Variants in CENPU observed in about 807,000 individuals in gnomAD.
CENPU encodes KSHV latent nuclear antigen interacting protein 1.
Under a neutral mutation model 56.7 loss-of-function variants are expected in CENPU, and 46 were observed. That is an observed-to-expected ratio of 0.81 (90% CI 0.64 to 1.04). The LOEUF (loss-of-function observed/expected upper bound fraction) is 1.04, where lower values mean the gene tolerates loss of function less well. Ranked by LOEUF, CENPU falls within the 50% of genes least tolerant of loss-of-function variation. The pLI is 0.00. For synonymous variants in CENPU, 166 were observed against 163.0 expected (o/e 1.02, Z -0.14); for missense variants, 510 against 490.1 (o/e 1.04, Z -0.38).
chr4:184,699,308 C>T (rs902602458), intron 11 of CENPU, among the ~76,000 whole-genome samples: 2 of 151,934 alleles, frequency 1.3e-5, no homozygotes, highest in Admixed American at 6.6e-5. Context: ...CCAGCCTGGG[C>T]GACAGAGCCA....
Position 184,730,904 on chromosome 4 carries a change from C to CA in CENPU, c.96+15dup. ...TGTCAATTTTGAGAAAACCACAACA[C>CA]AAAAAGGTAACTTACATCTTTCATG... On this transcript the variant is annotated intron_variant, in intron 2 of 12. Transcript: ENST00000281453. 6.3e-7 allele frequency: 1 copy of CA among 1,575,178 alleles called. No homozygotes were observed. Among genetic ancestry groups the CA allele is most frequent in the Non-Finnish European group, 8.6e-7 (1 of 1,167,832 alleles).
At chr4:184,719,649 G>C (rs1761208109) in intron 4 of CENPU, among the ~76,000 whole-genome samples, 2 of 152,194 alleles carry the variant, frequency 1.3e-5, no homozygotes, top group Admixed American at 1.3e-4. Flanking sequence ...GACCTACTGA[G>C]ACACCAACTG....
In CENPU at chr4:184,721,457, T is replaced by TAAAAA. The variant is rs138476894; in HGVS notation, c.320+3495_320+3499dup. Among the ~76,000 whole-genome samples, 135 of 74,538 alleles carry TAAAAA rather than the reference T, an allele frequency of 1.8e-3. 4 individuals carry two copies. The highest frequency in any genetic ancestry group is 8.0e-3 in the African/African-American group (118 of 14,828). 48.9% of individuals were successfully genotyped at this position (74,538 alleles called of 152,430 possible). ...TCAAAAGACATAGAGTGGCTGATTG[T>TAAAAA]AAAAAAAAAAAAAAAAAAAAAGGAC... On this transcript the variant is annotated intron_variant, in intron 4 of 12. Transcript: ENST00000281453.
intron 4 of CENPU, among the ~76,000 whole-genome samples, chr4:184,720,837 G>A (rs1761250519): frequency 6.6e-6 from 1 of 152,118 alleles, no homozygotes; most frequent in African/African-American, 2.4e-5. Context: ...AACAAAAGCT[G>A]AGAAATTTTA....
intron 6 of CENPU, among the ~76,000 whole-genome samples, chr4:184,715,940 T>TGA (rs1561138137): frequency 5.7e-4 from 59 of 103,044 alleles, no homozygotes; most frequent in African/African-American, 2.4e-3. Flanking sequence ...TTTTTTTGTT[T>TGA]TTTTTTTTTT....
Position 184,694,369 on chromosome 4 carries a change from C to T in CENPU, c.*919G>A, listed in dbSNP as rs991188597. The T allele has an allele frequency of 1.1e-5, 15 of 1,409,446 alleles. No homozygotes were observed. The highest frequency in any genetic ancestry group is 4.3e-5 in the African/African-American group (3 of 69,360). 87.3% of individuals were successfully genotyped at this position (1,409,446 alleles called of 1,614,324 possible). ...GTTTGAATCAGTGCACTCATTCCCA[C>T]GGTGAGATATCGGAGACAGCATTCC... On this transcript the variant is annotated 3_prime_UTR_variant, in exon 13 of 13. Transcript: ENST00000281453.
chr4:184,714,816 G>A (rs1418563321), intron 6 of CENPU, among the ~76,000 whole-genome samples: 1 of 152,136 alleles, frequency 6.6e-6, no homozygotes, highest in African/African-American at 2.4e-5. Flanking sequence ...TACATCAAAA[G>A]TCAATGGACT....
intron 3 of CENPU, among the ~76,000 whole-genome samples, chr4:184,726,643 G>A (rs1251877730): frequency 6.6e-6 from 1 of 152,076 alleles, no homozygotes; most frequent in African/African-American, 2.4e-5. Context: ...CAAAAGAGGA[G>A]AAAGCAGGGA....
At position 184,707,951 on chromosome 4, in the gene CENPU, G is replaced by A. The variant is rs115230598; in HGVS notation, c.797+2121C>T. Among the ~76,000 whole-genome samples the A allele has an allele frequency of 9.1e-3, 1,386 of 152,174 alleles. 20 individuals are homozygous for A. The highest frequency in any genetic ancestry group is 0.032 in the African/African-American group (1,327 of 41,518). ...GCAAGCAGCAGAAATAGCTGGGCGC[G>A]GTGGCTCACACCTGAAATCCCAGCA... On this transcript the variant is annotated intron_variant, in intron 8 of 12. Transcript: ENST00000281453.
At chr4:184,700,690 C>T in intron 11 of CENPU, 130 bp downstream of exon 11, 3 of 811,378 alleles carry the variant, frequency 3.7e-6, no homozygotes, top group Non-Finnish European at 6.4e-6. Context: ...CCTGCCTTCA[C>T]TGAGTATCGG....
chr4:184,721,175 A>C (rs1382103248), intron 4 of CENPU, among the ~76,000 whole-genome samples: 1 of 152,178 alleles, frequency 6.6e-6, no homozygotes, highest in African/African-American at 2.4e-5. Context: ...AGCAGGGTTA[A>C]GTTGTTAATG....
chr4:184,709,485 CA>C (rs370228402), intron 8 of CENPU, among the ~76,000 whole-genome samples: 258 of 128,638 alleles, frequency 2.0e-3, no homozygotes, highest in South Asian at 3.0e-3. Flanking sequence ...GACTCCATCT[CA>C]AAAAAAAAAA....
intron 8 of CENPU, among the ~76,000 whole-genome samples, chr4:184,707,316 C>T (rs1760761309): frequency 6.8e-6 from 1 of 146,440 alleles, no homozygotes; most frequent in Admixed American, 6.6e-5. Context: ...AAACTGACTC[C>T]TGCCTCTTCC....
chr4:184,717,032 C>G (rs1468901866), intron 5 of CENPU, 104 bp downstream of exon 5: 6 of 723,792 alleles, frequency 8.3e-6, no homozygotes, highest in Non-Finnish European at 1.4e-5. Flanking sequence ...CTATTTGCAT[C>G]CAATCTAAAG....
intron 1 of CENPU, chr4:184,733,201 TCTC>T (rs941270396): frequency 3.1e-5 from 12 of 385,164 alleles, no homozygotes; most frequent in Non-Finnish European, 4.3e-5. Flanking sequence ...GAGTCTTCAT[TCTC>T]CTCCACTGGC....
Position 184,726,484 on chromosome 4 carries a change from A to C in CENPU, c.215-1422T>G, listed in dbSNP as rs112835513. On this transcript the variant is annotated intron_variant, in intron 3 of 12. Transcript: ENST00000281453. ...TGAGATAGTACTTCACACCCAAACA[A>C]ACACCCAGAAAATAGCAAGTGTAGG... Among the ~76,000 whole-genome samples the C allele has an allele frequency of 8.2e-3, 1,241 of 152,268 alleles. 17 individuals carry two copies. Among genetic ancestry groups the C allele is most frequent in the African/African-American group, 0.027 (1,108 of 41,564 alleles).
At chr4:184,732,535 A>G (rs1241840361) in intron 1 of CENPU, among the ~76,000 whole-genome samples, 1 of 152,244 alleles carries the variant, frequency 6.6e-6, no homozygotes, top group African/African-American at 2.4e-5. Context: ...CAAGGGTCAC[A>G]TAGCCAGGTA....
At chr4:184,718,923 C>T (rs147003098) in intron 4 of CENPU, among the ~76,000 whole-genome samples, 17 of 152,104 alleles carry the variant, frequency 1.1e-4, no homozygotes, top group East Asian at 1.9e-4. Flanking sequence ...GCAAAACATC[C>T]GGGAACTCAG....
chr4:184,707,373 G>A (rs1258406304), intron 8 of CENPU, among the ~76,000 whole-genome samples: 2 of 144,520 alleles, frequency 1.4e-5, no homozygotes, highest in African/African-American at 5.7e-5. Context: ...CCGCTCCCCT[G>A]CCCCCTGCAG....
Sources: allele counts gnomAD v4.1 joint callset (sites outside exome capture counted in the v4.1 genomes callset), GRCh38; gene constraint gnomAD v4.1.1; transcripts MANE v1.5; gene names NCBI Gene and HGNC (gene_info 2026-07-23, HGNC 2026-07-21).